Variants in CTDSPL observed in about 807,000 individuals in gnomAD.
The protein encoded by CTDSPL is CTD small phosphatase like.
A neutral mutation model predicts 30.5 loss-of-function variants in CTDSPL; 8 were observed. That is an observed-to-expected ratio of 0.26 (90% CI 0.15 to 0.47). The LOEUF (loss-of-function observed/expected upper bound fraction) is 0.47, where lower values mean the gene tolerates loss of function less well. Among genes scored for constraint, CTDSPL ranks in the 20% least tolerant of loss-of-function variants. The probability of loss-of-function intolerance (pLI) is 0.99; values close to 1 mark genes in which losing one functional copy is unlikely to be tolerated. For synonymous variants in CTDSPL, 110 were observed against 137.9 expected, an observed-to-expected ratio of 0.80 and a Z score of 1.42; for missense variants, 248 against 366.1, an observed-to-expected ratio of 0.68 and a Z score of 2.63.
At chr3:37,945,829 C>T (rs565503661) in intron 1 of CTDSPL, among the ~76,000 whole-genome samples, 3 of 152,200 alleles carry the variant, frequency 2.0e-5, no homozygotes, top group Admixed American at 2.0e-4. Flanking sequence ...GCTTTTCAGT[C>T]CCTTTTCAGA....
At chr3:37,887,222 T>C (rs560283791) in intron 1 of CTDSPL, among the ~76,000 whole-genome samples, 1 of 152,292 alleles carries the variant, frequency 6.6e-6, no homozygotes, top group African/African-American at 2.4e-5. Flanking sequence ...GTAGAATTCT[T>C]GTGGGAAACG....
In CTDSPL at chr3:37,983,028, G is replaced by A. The variant is rs901626456; in HGVS notation, c.*2161G>A. The A allele has an allele frequency of 5.2e-6, 1 of 192,894 alleles. No homozygotes were observed. Among genetic ancestry groups the A allele is most frequent in the African/African-American group, 2.4e-5 (1 of 42,522 alleles). 11.9% of individuals were successfully genotyped at this position (192,894 alleles called of 1,614,324 possible). A position where few individuals can be genotyped will look rare whatever the true frequency, so the allele number is the denominator to read the frequency against. Reference sequence around the variant, plus strand: ...AACCTAGGGATAGTGCTCCACTTCTGACGATGGAGTGAAGACACTTGGCAG... The same window carrying A: ...AACCTAGGGATAGTGCTCCACTTCTAACGATGGAGTGAAGACACTTGGCAG... On this transcript the variant is annotated 3_prime_UTR_variant, in exon 8 of 8. Coordinates refer to ENST00000273179, the MANE Select transcript of CTDSPL (RefSeq NM_001008392.2).
chr3:37,979,311 GA>G (rs970875188), intron 7 of CTDSPL, among the ~76,000 whole-genome samples: 342 of 144,038 alleles, frequency 2.4e-3, no homozygotes, highest in African/African-American at 8.4e-3. Flanking sequence ...AAAAAAAAAA[GA>G]AAAAAAAAAG....
At chr3:37,955,420 C>T (rs1203835202) in intron 2 of CTDSPL, among the ~76,000 whole-genome samples, 1 of 152,100 alleles carries the variant, frequency 6.6e-6, no homozygotes, top group African/African-American at 2.4e-5. Context: ...GAGCAAGACC[C>T]CATCTGTAAA....
chr3:37,902,405 T>C (rs1698460595), intron 1 of CTDSPL, among the ~76,000 whole-genome samples: 1 of 152,062 alleles, frequency 6.6e-6, no homozygotes, highest in Non-Finnish European at 1.5e-5. Flanking sequence ...ATAGGGAAAC[T>C]TGGTATGGGT....
At chr3:37,879,302 A>G (rs1293907388) in intron 1 of CTDSPL, among the ~76,000 whole-genome samples, 1 of 152,232 alleles carries the variant, frequency 6.6e-6, no homozygotes, top group Non-Finnish European at 1.5e-5. Context: ...CAAAGACTGG[A>G]CAAGTGGCTA....
chr3:37,940,163 C>T (rs1575309005), intron 1 of CTDSPL, among the ~76,000 whole-genome samples: 1 of 150,542 alleles, frequency 6.6e-6, no homozygotes, highest in African/African-American at 2.4e-5. Flanking sequence ...CTTCTTTGGG[C>T]ACCAAGAGTG....
chr3:37,895,930 A>G (rs936513951), intron 1 of CTDSPL, among the ~76,000 whole-genome samples: 5 of 152,236 alleles, frequency 3.3e-5, no homozygotes, highest in African/African-American at 1.2e-4. Context: ...TTGAACATTT[A>G]CAAAATAAAA....
intron 2 of CTDSPL, 53 bp downstream of exon 2, chr3:37,947,264 C>A: frequency 1.3e-6 from 2 of 1,568,004 alleles, no homozygotes; most frequent in Middle Eastern, 2.3e-4. Context: ...AGTGGCATCT[C>A]TGTCCCATCC....
chr3:37,907,201 G>C (rs1416944291), intron 1 of CTDSPL, among the ~76,000 whole-genome samples: 1 of 152,212 alleles, frequency 6.6e-6, no homozygotes, highest in East Asian at 1.9e-4. Flanking sequence ...AACTGCAGCA[G>C]CCGCCTTCTG....
At chr3:37,887,473 G>C (rs1413849728) in intron 1 of CTDSPL, among the ~76,000 whole-genome samples, 3 of 152,204 alleles carry the variant, frequency 2.0e-5, no homozygotes, top group African/African-American at 7.2e-5. Context: ...CACTGCCTGG[G>C]TTTGTATCCC....
intron 1 of CTDSPL, among the ~76,000 whole-genome samples, chr3:37,865,092 C>T (rs1272617410): frequency 6.6e-6 from 1 of 152,216 alleles, no homozygotes; most frequent in East Asian, 1.9e-4. Context: ...TGACACATTG[C>T]CACGTGGTGG....
At chr3:37,961,370 T>G (rs1248921347) in intron 3 of CTDSPL, among the ~76,000 whole-genome samples, 1 of 152,118 alleles carries the variant, frequency 6.6e-6, no homozygotes, top group East Asian at 1.9e-4. Context: ...ACTGCTGAAG[T>G]ATGGGTGGTC....
At position 37,972,167 on chromosome 3, in the gene CTDSPL, C is replaced by T. The variant is rs573259606; in HGVS notation, c.519+668C>T. Among the ~76,000 whole-genome samples, 19 of 152,306 alleles carry T rather than the reference C, an allele frequency of 1.2e-4. No homozygotes were observed. In the East Asian group the frequency reaches 3.1e-3, roughly 25 times the overall value. ...GCTGGGCATTGTCACATGATAAGCA[C>T]TCCTGATGTTCATTATTTTGTGTTA... On this transcript the variant is annotated intron_variant, in intron 6 of 7. Coordinates refer to ENST00000273179, the MANE Select transcript of CTDSPL (RefSeq NM_001008392.2).
At chr3:37,909,857 A>C (rs1326034583) in intron 1 of CTDSPL, among the ~76,000 whole-genome samples, 2 of 152,226 alleles carry the variant, frequency 1.3e-5, no homozygotes, top group Non-Finnish European at 2.9e-5. Context: ...ACTAATGCTA[A>C]TGTAAAGGTG....
intron 7 of CTDSPL, among the ~76,000 whole-genome samples, chr3:37,976,096 G>A (rs1699424685): frequency 6.6e-6 from 1 of 152,108 alleles, no homozygotes; most frequent in South Asian, 2.1e-4. Context: ...TGTCAAATGG[G>A]AATTATAGGA....
chr3:37,960,535 T>TACACAC (rs71288085), intron 3 of CTDSPL, among the ~76,000 whole-genome samples: 842 of 16,228 alleles, frequency 0.052, 71 homozygotes, highest in Non-Finnish European at 0.069. Context: ...TATATATATA[T>TACACAC]ACACACACAC....
intron 1 of CTDSPL, among the ~76,000 whole-genome samples, chr3:37,870,058 TTTC>T (rs2125587864): frequency 6.6e-6 from 1 of 152,160 alleles, no homozygotes; most frequent in East Asian, 1.9e-4. Context: ...GGTCTGCAGT[TTTC>T]TTTTTTTGTG....
chr3:37,969,350 G>T, intron 5 of CTDSPL: 1 of 497,306 alleles, frequency 2.0e-6, no homozygotes, highest in East Asian at 5.9e-5. Flanking sequence ...TCTCTCCCGA[G>T]GGAATGAAGC....
Sources: gnomAD v4.1 joint callset for allele counts (sites outside exome capture counted in the v4.1 genomes callset) on GRCh38, gnomAD v4.1.1 for gene constraint, MANE v1.5 for transcripts, NCBI Gene and HGNC (gene_info 2026-07-23, HGNC 2026-07-21) for gene names.